Variants in ERC1 observed in about 807,000 individuals in gnomAD.
ERC1 encodes the protein ELKS/RAB6-interacting/CAST family member 1, also known as RAB6 interacting protein 2.
A neutral mutation model predicts 132.0 loss-of-function variants in ERC1; 56 were observed. That is an observed-to-expected ratio of 0.42 (90% confidence interval 0.34 to 0.53). The LOEUF is 0.53. Among genes scored for constraint, ERC1 ranks in the 20% least tolerant of loss-of-function variants. The pLI is 0.03. For synonymous variants in ERC1, 478 were observed against 476.1 expected, an observed-to-expected ratio of 1.00 and a Z score of -0.05; for missense variants, 1,202 against 1,349.9, an observed-to-expected ratio of 0.89 and a Z score of 1.72.
chr12:1,223,811 A>G (rs1358663470), intron 12 of ERC1, among the ~76,000 whole-genome samples: 4 of 152,172 alleles, frequency 2.6e-5, no homozygotes, highest in Non-Finnish European at 2.9e-5. Flanking sequence ...TGCTTGAAGA[A>G]TGGTAAAACA....
intron 2 of ERC1, among the ~76,000 whole-genome samples, chr12:1,065,777 C>T (rs1036732062): frequency 6.6e-6 from 1 of 152,018 alleles, no homozygotes; most frequent in Non-Finnish European, 1.5e-5. Flanking sequence ...GCAGGTATAT[C>T]TACAGTATTG....
intron 13 of ERC1, among the ~76,000 whole-genome samples, chr12:1,262,013 A>G (rs555857598): frequency 1.3e-5 from 2 of 152,312 alleles, no homozygotes; most frequent in African/African-American, 4.8e-5. Context: ...AGTTGTCAAA[A>G]AGGACTTACA....
intron 18 of ERC1, among the ~76,000 whole-genome samples, chr12:1,469,186 G>A (rs1452275673): frequency 2.0e-5 from 3 of 152,218 alleles, no homozygotes; most frequent in African/African-American, 7.2e-5. Context: ...GTGACTCCAC[G>A]CAGCTCTCTT....
At chr12:1,119,952 G>A (rs373331089) in intron 7 of ERC1, among the ~76,000 whole-genome samples, 1 of 151,728 alleles carries the variant, frequency 6.6e-6, no homozygotes, top group Non-Finnish European at 1.5e-5. Flanking sequence ...GTTTAATTCT[G>A]TTCTCATCTG....
chr12:1,192,889 C>T (rs1252055190), intron 12 of ERC1, among the ~76,000 whole-genome samples: 1 of 152,184 alleles, frequency 6.6e-6, no homozygotes, highest in Non-Finnish European at 1.5e-5. Flanking sequence ...TGGTAAACTT[C>T]TGATATTGCT....
intron 15 of ERC1, among the ~76,000 whole-genome samples, chr12:1,356,179 A>G (rs60507093): frequency 0.067 from 9,886 of 147,262 alleles, 605 homozygotes; most frequent in African/African-American, 0.16. Flanking sequence ...ACTCCTGCCT[A>G]GGTGACAAAG....
chr12:1,439,867 C>G (rs1417886313), intron 17 of ERC1, among the ~76,000 whole-genome samples: 1 of 152,168 alleles, frequency 6.6e-6, no homozygotes, highest in Non-Finnish European at 1.5e-5. Context: ...AACACAGTTT[C>G]TTTTCTAAGT....
chr12:1,380,080 T>G (rs149951830), intron 16 of ERC1: 1 of 152,334 alleles, frequency 6.6e-6, no homozygotes, highest in African/African-American at 2.4e-5. Flanking sequence ...GAAAAGTACA[T>G]ACTGTATGAT....
At chr12:1,296,082 T>G (rs2079910227) in intron 15 of ERC1, among the ~76,000 whole-genome samples, 1 of 150,444 alleles carries the variant, frequency 6.6e-6, no homozygotes. Flanking sequence ...ATGTTGATGA[T>G]GGAATAGATA....
chr12:1,050,910 C>G (rs1401141038), intron 2 of ERC1, among the ~76,000 whole-genome samples: 2 of 151,992 alleles, frequency 1.3e-5, no homozygotes, highest in Non-Finnish European at 2.9e-5. Context: ...GAGGCTGAGG[C>G]AGGAGAATCG....
chr12:1,074,382 C>T (rs1940989049), intron 2 of ERC1, among the ~76,000 whole-genome samples: 1 of 152,070 alleles, frequency 6.6e-6, no homozygotes, highest in East Asian at 1.9e-4. Context: ...ATCTTGGCAT[C>T]CTCCAACTCC....
intron 12 of ERC1, among the ~76,000 whole-genome samples, chr12:1,221,504 GT>G (rs1349208727): frequency 2.0e-5 from 3 of 152,128 alleles, no homozygotes; most frequent in Admixed American, 6.5e-5. Flanking sequence ...AGTTAAAAGT[GT>G]TTATGTAAAA....
Position 1,493,548 on chromosome 12 carries a change from A to ATATATATATATATATATATATATATAT in ERC1, c.*3318_*3319insTATATATATATATATATATATATATAT, listed in dbSNP as rs1555139791. The ATATATATATATATATATATATATATAT allele has an allele frequency of 7.3e-5, 1 of 13,622 alleles. No individual in the cohort carries two copies. The highest frequency in any genetic ancestry group is 1.5e-4 in the Non-Finnish European group (1 of 6,822). 0.8% of individuals were successfully genotyped at this position (13,622 alleles called of 1,614,324 possible). A position where few individuals can be genotyped will look rare whatever the true frequency, so the allele number is the denominator to read the frequency against. On this transcript the variant is annotated 3_prime_UTR_variant, in exon 19 of 19. Transcript: ENST00000360905. ...ACTCCATTTAAAAAAAAAAAAAAAA[A>ATATATATATATATATATATATATATAT]ATATATATATATATATATATATATA...
chr12:1,192,000 G>A (rs1382378856), intron 12 of ERC1, among the ~76,000 whole-genome samples: 1 of 152,246 alleles, frequency 6.6e-6, no homozygotes, highest in Non-Finnish European at 1.5e-5. Context: ...TATGGAAGAG[G>A]AAACTGAGGC....
chr12:1,420,923 G>GTT (rs1400965542), intron 17 of ERC1, among the ~76,000 whole-genome samples: 48 of 143,334 alleles, frequency 3.3e-4, no homozygotes, highest in African/African-American at 1.2e-3. Context: ...TTGGTTTGGG[G>GTT]GGGGGGGGGG....
intron 8 of ERC1, among the ~76,000 whole-genome samples, chr12:1,180,089 T>C (rs1374800374): frequency 1.3e-5 from 2 of 152,234 alleles, no homozygotes; most frequent in Admixed American, 6.5e-5. Flanking sequence ...TTTCACTGTT[T>C]AGCTGCTCTA....
intron 18 of ERC1, among the ~76,000 whole-genome samples, chr12:1,474,426 T>C (rs998501624): frequency 6.6e-6 from 1 of 152,226 alleles, no homozygotes; most frequent in Non-Finnish European, 1.5e-5. Context: ...CACCTCATGC[T>C]TTGTGACTAT....
intron 1 of ERC1, among the ~76,000 whole-genome samples, chr12:1,019,374 C>G (rs995536869): frequency 6.6e-6 from 1 of 152,208 alleles, no homozygotes; most frequent in Non-Finnish European, 1.5e-5. Context: ...ATCATCCTGC[C>G]TCGGGTTCCC....
At chr12:1,473,322 C>T (rs774845308) in intron 18 of ERC1, among the ~76,000 whole-genome samples, 10 of 152,168 alleles carry the variant, frequency 6.6e-5, no homozygotes, top group Non-Finnish European at 1.3e-4. Flanking sequence ...CCACTGCGCC[C>T]GGCCCAAACT....
Sources: allele counts gnomAD v4.1 joint callset (sites outside exome capture counted in the v4.1 genomes callset), GRCh38; gene constraint gnomAD v4.1.1; transcripts MANE v1.5; gene names NCBI Gene and HGNC (gene_info 2026-07-23, HGNC 2026-07-21).